The following ELOC variants were observed in gnomAD, a reference collection of about 807,000 sequenced individuals.
ELOC encodes elongin C, also known as elongin-C.
For missense variants in ELOC, 38 were observed against 139.0 expected (o/e 0.27, Z 3.65); for synonymous variants, 40 against 51.3 (o/e 0.78, Z 0.94).
chr8:73,955,006 C>T (rs983934636), intron 3 of ELOC, among the ~76,000 whole-genome samples: 1 of 140,966 alleles, frequency 7.1e-6, no homozygotes, highest in African/African-American at 2.7e-5. Context: ...TGCACTCCAG[C>T]CTGGGTGACA....
At chr8:73,962,508 T>C (rs1158460790) in intron 1 of ELOC, among the ~76,000 whole-genome samples, 2 of 152,160 alleles carry the variant, frequency 1.3e-5, no homozygotes, top group Admixed American at 6.5e-5. Flanking sequence ...AATTTAAAAA[T>C]TCATGAGAGC....
chr8:73,959,922 C>CCTGGTTA, intron 1 of ELOC, 104 bp from the exon 2 acceptor site: 1 of 496,930 alleles, frequency 2.0e-6, no homozygotes, highest in African/African-American at 2.0e-5. Context: ...AACTCTCCCT[C>CCTGGTTA]CTGGTTACAT....
chr8:73,950,734 A>T (rs1304444840), intron 3 of ELOC, among the ~76,000 whole-genome samples: 2 of 152,240 alleles, frequency 1.3e-5, no homozygotes, highest in Non-Finnish European at 2.9e-5. Flanking sequence ...AGAAAAATGT[A>T]TCAGAGTCTA....
intron 3 of ELOC, among the ~76,000 whole-genome samples, 171 bp from the exon 4 acceptor site, chr8:73,946,991 TTTTG>T (rs202190344): frequency 1.9e-4 from 29 of 152,118 alleles, no homozygotes; most frequent in East Asian, 1.2e-3. Flanking sequence ...ATTGGTGTCT[TTTTG>T]TTTGTTTGTT....
chr8:73,956,631 C>T (rs1814207747), intron 2 of ELOC, among the ~76,000 whole-genome samples: 1 of 146,736 alleles, frequency 6.8e-6, no homozygotes, highest in Admixed American at 6.9e-5. Context: ...GTTTTGTAAC[C>T]AAAGCAGCCC....
chr8:73,971,521 A>G (rs1001204999), intron 1 of ELOC, among the ~76,000 whole-genome samples: 1 of 152,144 alleles, frequency 6.6e-6, no homozygotes, highest in African/African-American at 2.4e-5. Context: ...CAGTTCCTTA[A>G]GAGAAACTCA....
intron 1 of ELOC, among the ~76,000 whole-genome samples, chr8:73,965,112 A>T (rs1293437561): frequency 6.6e-6 from 1 of 152,074 alleles, no homozygotes; most frequent in African/African-American, 2.4e-5. Flanking sequence ...ACTGGAAAAA[A>T]ATATTCACAA....
chr8:73,959,920 C>G (rs1439412763), intron 1 of ELOC, 102 bp from the exon 2 acceptor site: 1 of 500,626 alleles, frequency 2.0e-6, no homozygotes, highest in Non-Finnish European at 3.4e-6. Context: ...AGAACTCTCC[C>G]TCCTGGTTAC....
chr8:73,966,572 A>G (rs1814989515), intron 1 of ELOC, among the ~76,000 whole-genome samples: 2 of 151,620 alleles, frequency 1.3e-5, no homozygotes, highest in South Asian at 2.1e-4. Context: ...TGCAGCCTCA[A>G]CCTTCAGAGC....
At chr8:73,948,953 G>A (rs1813571155) in intron 3 of ELOC, among the ~76,000 whole-genome samples, 1 of 152,026 alleles carries the variant, frequency 6.6e-6, no homozygotes, top group Admixed American at 6.6e-5. Flanking sequence ...TCATGTTAAC[G>A]AGATCTCTTC....
At chr8:73,967,448 A>G (rs1038663089) in intron 1 of ELOC, among the ~76,000 whole-genome samples, 2 of 149,788 alleles carry the variant, frequency 1.3e-5, no homozygotes, top group Non-Finnish European at 3.0e-5. Flanking sequence ...AAAAGGGTAC[A>G]TTTTATATAA....
chr8:73,959,410 T>G (rs946199431), intron 2 of ELOC, among the ~76,000 whole-genome samples: 1 of 151,928 alleles, frequency 6.6e-6, no homozygotes, highest in Admixed American at 6.6e-5. Context: ...TATGCTTTTT[T>G]CTATTTTAAA....
At position 73,957,773 on chromosome 8, in the gene ELOC, CAACT is replaced by C. The variant is rs201334419; in HGVS notation, c.5-1723_5-1720del. On this transcript the variant is annotated intron_variant, in intron 2 of 3. Transcript: ENST00000520242. ...TTATCCATCCATCCATCCACCCACC[CAACT>C]ATTTGTTTATTTATTTTTATTTTTT... 1.6e-3 allele frequency among the ~76,000 whole-genome samples: 249 copies of C among 152,090 alleles called. 2 individuals are homozygous for C. In the East Asian group the frequency reaches 0.037, roughly 23 times the overall value.
At chr8:73,954,092 C>T (rs568954512) in intron 3 of ELOC, among the ~76,000 whole-genome samples, 9 of 152,198 alleles carry the variant, frequency 5.9e-5, no homozygotes, top group African/African-American at 2.2e-4. Flanking sequence ...ATACAAAAGG[C>T]CATATACTGT....
chr8:73,951,219 C>G (rs1240629643), intron 3 of ELOC, among the ~76,000 whole-genome samples: 1 of 152,168 alleles, frequency 6.6e-6, no homozygotes, highest in Non-Finnish European at 1.5e-5. Context: ...TTGCAGTGAG[C>G]TGAGGTTGTG....
rs1485445068 is a variant in ELOC at position 73,955,034 on chromosome 8, G to C, written c.148+877C>G. ...GGGTGACAGAGTGAGACTCCATCTC[G>C]GAAAAAAAAAAAAAAAAAAAAAAGG... is the stretch of plus-strand genomic sequence containing the variant. On this transcript the variant is annotated intron_variant, in intron 3 of 3. Coordinates refer to ENST00000520242, the MANE Select transcript of ELOC (RefSeq NM_005648.4). Among the ~76,000 whole-genome samples, 37 of 76,604 alleles carry C rather than the reference G, an allele frequency of 4.8e-4. 1 individual carries two copies. The East Asian group carries it at 0.011, about 22-fold the overall frequency. The allele number at this position is 76,604 out of a possible 152,430, so 50.3% of individuals were successfully genotyped here.
intron 1 of ELOC, among the ~76,000 whole-genome samples, chr8:73,970,052 G>T (rs538234832): frequency 6.6e-6 from 1 of 152,222 alleles, no homozygotes; most frequent in Non-Finnish European, 1.5e-5. Flanking sequence ...CACTTTGGGA[G>T]GCCAAGGCAG....
At chr8:73,961,071 A>G (rs1814557302) in intron 1 of ELOC, among the ~76,000 whole-genome samples, 1 of 152,202 alleles carries the variant, frequency 6.6e-6, no homozygotes. Flanking sequence ...TTTAACAATA[A>G]AGTGGTTAAA....
At chr8:73,954,487 C>G (rs1202648981) in intron 3 of ELOC, among the ~76,000 whole-genome samples, 36 of 151,790 alleles carry the variant, frequency 2.4e-4, no homozygotes, top group Admixed American at 2.4e-3. Flanking sequence ...AACCCCGTCT[C>G]TACTAAAAGT....
Sources: allele counts gnomAD v4.1 joint callset (sites outside exome capture counted in the v4.1 genomes callset), GRCh38; gene constraint gnomAD v4.1.1; transcripts MANE v1.5; gene names NCBI Gene and HGNC (gene_info 2026-07-23, HGNC 2026-07-21).